The following TENM1 variants were observed in gnomAD, a reference collection of about 807,000 sequenced individuals.
The protein encoded by TENM1 is teneurin transmembrane protein 1, also known as teneurin-1.
Under a neutral mutation model 174.8 loss-of-function variants are expected in TENM1, and 35 were observed. That is an observed-to-expected ratio of 0.20 (90% CI 0.15 to 0.27). The LOEUF is 0.27. Among genes scored for constraint, TENM1 ranks in the 10% least tolerant of loss-of-function variants. The probability of loss-of-function intolerance (pLI) is 1.00; values close to 1 mark genes in which losing one functional copy is unlikely to be tolerated. For missense variants in TENM1, 1,633 were observed against 2,130.1 expected (o/e 0.77, Z 4.59); for synonymous variants, 781 against 798.7 (o/e 0.98, Z 0.37).
chrX:125,011,732 G>A, the TENM1 span, among the ~76,000 whole-genome samples: 1 of 111,789 alleles, frequency 8.9e-6, no homozygotes. Context: ...CTTTTACACT[G>A]TTGATTGGAA....
chrX:124,919,279 C>T (rs979361107), intron 1 of TENM1, among the ~76,000 whole-genome samples: 5 of 111,629 alleles, frequency 4.5e-5, no homozygotes, highest in East Asian at 2.8e-4. Flanking sequence ...TGTGATATTT[C>T]GATCAATTGA....
the TENM1 span, among the ~76,000 whole-genome samples, chrX:125,030,962 C>A: frequency 1.8e-5 from 2 of 110,653 alleles, no homozygotes; most frequent in African/African-American, 3.3e-5. Flanking sequence ...TAATTTTTTT[C>A]TTTTTCTACT....
At chrX:125,052,865 A>C in the TENM1 span, among the ~76,000 whole-genome samples, 1 of 111,780 alleles carries the variant, frequency 8.9e-6, no homozygotes, top group East Asian at 2.8e-4. Context: ...AAAATGGCAC[A>C]ATTTTAATTA....
At chrX:124,387,160 G>A (rs1005493696) in intron 28 of TENM1, among the ~76,000 whole-genome samples, 1 of 108,244 alleles carries the variant, frequency 9.2e-6, no homozygotes, top group Non-Finnish European at 1.9e-5. Context: ...TTCCATTTGT[G>A]TTTTAATATT....
chrX:124,566,424 T>A (rs2048943380), intron 11 of TENM1, among the ~76,000 whole-genome samples: 2 of 112,066 alleles, frequency 1.8e-5, no homozygotes, highest in African/African-American at 6.5e-5. Context: ...TGCTGAATAT[T>A]AATAAAGTCA....
intron 3 of TENM1, among the ~76,000 whole-genome samples, chrX:124,885,044 A>G (rs903417464): frequency 9.0e-6 from 1 of 111,727 alleles, no homozygotes; most frequent in Non-Finnish European, 1.9e-5. Flanking sequence ...ATGCATCTAA[A>G]TATATCTAAA....
At chrX:124,835,733 A>G (rs1349165833) in intron 3 of TENM1, among the ~76,000 whole-genome samples, 1 of 111,641 alleles carries the variant, frequency 9.0e-6, no homozygotes, top group Non-Finnish European at 1.9e-5. Context: ...TACCTTCATA[A>G]ATGATTCAAG....
rs181930153 is a variant in TENM1 at position 124,943,174 on chromosome X, T to C, written c.217+20363A>G. On this transcript the variant is annotated intron_variant, in intron 1 of 31. Coordinates refer to ENST00000422452, the Ensembl canonical transcript of TENM1. ...AGAAGACCTGAGGTCATTCAGTGAG[T>C]GAAAGAAGCAAAATTGAAAGCATGA... is the stretch of plus-strand genomic sequence containing the variant. Among the ~76,000 whole-genome samples the C allele has an allele frequency of 3.7e-3, 413 of 111,192 alleles. 3 individuals are homozygous for C. The highest frequency in any genetic ancestry group is 0.013 in the African/African-American group (397 of 30,683).
At chrX:124,806,047 T>TA (rs1382433298) in intron 3 of TENM1, among the ~76,000 whole-genome samples, 6 of 111,145 alleles carry the variant, frequency 5.4e-5, no homozygotes, top group Non-Finnish European at 9.4e-5. Context: ...TCAGCCACAT[T>TA]AAAAAAATAC....
intron 3 of TENM1, among the ~76,000 whole-genome samples, chrX:124,739,646 A>G (rs1380854618): frequency 8.9e-6 from 1 of 112,209 alleles, no homozygotes; most frequent in East Asian, 2.8e-4. Context: ...ACTCTCTTCT[A>G]TGACTTTAAC....
chrX:124,494,383 G>T (rs1399850855), intron 20 of TENM1, among the ~76,000 whole-genome samples: 1 of 111,662 alleles, frequency 9.0e-6, no homozygotes, highest in African/African-American at 3.3e-5. Flanking sequence ...CCAGAGGCAT[G>T]TGTCAGGAAT....
chrX:125,001,125 G>C, the TENM1 span, among the ~76,000 whole-genome samples: 1 of 109,504 alleles, frequency 9.1e-6, no homozygotes, highest in African/African-American at 3.3e-5. Context: ...CTATATAGTT[G>C]AAATAATCCA....
chrX:125,162,663 C>T, the TENM1 span, among the ~76,000 whole-genome samples: 1 of 111,783 alleles, frequency 8.9e-6, no homozygotes, highest in Admixed American at 9.5e-5. Context: ...TTGTTCAATC[C>T]ATTTTATATT....
intron 14 of TENM1, among the ~76,000 whole-genome samples, chrX:124,560,655 A>C (rs1250838336): frequency 8.9e-6 from 1 of 111,846 alleles, no homozygotes; most frequent in African/African-American, 3.2e-5. Flanking sequence ...AGAAACTCTT[A>C]TAATGCAGTT....
chrX:124,730,529 G>A (rs2053542204), intron 4 of TENM1, among the ~76,000 whole-genome samples: 1 of 111,264 alleles, frequency 9.0e-6, no homozygotes, highest in South Asian at 3.9e-4. Context: ...TAGTGGATTG[G>A]AGAGTCTATA....
At chrX:125,189,397 A>G in the TENM1 span, among the ~76,000 whole-genome samples, 3 of 112,551 alleles carry the variant, frequency 2.7e-5, no homozygotes, top group African/African-American at 9.7e-5. Flanking sequence ...AATGTTTGAC[A>G]GGACCATCAC....
At chrX:124,417,368 A>G (rs1197821190) in intron 25 of TENM1, among the ~76,000 whole-genome samples, 1 of 109,844 alleles carries the variant, frequency 9.1e-6, no homozygotes, top group African/African-American at 3.3e-5. Flanking sequence ...CCGCCACCAC[A>G]CCCAGCTAAT....
At chrX:125,178,840 C>T in the TENM1 span, among the ~76,000 whole-genome samples, 1 of 110,761 alleles carries the variant, frequency 9.0e-6, no homozygotes, top group Non-Finnish European at 1.9e-5. Flanking sequence ...GGCATGGTGG[C>T]TCATGTATAT....
In TENM1 at chrX:124,509,092, A is replaced by AC. The variant is rs2047520093; in HGVS notation, c.3302-5390_3302-5389insG. 1.7e-4 allele frequency among the ~76,000 whole-genome samples: 15 copies of AC among 90,372 alleles called. No homozygotes were observed. The South Asian group carries it at 7.2e-3, about 43-fold the overall frequency. The allele number at this position is 90,372 out of a possible 115,157, so 78.5% of individuals were successfully genotyped here. A position where few individuals can be genotyped will look rare whatever the true frequency, so the allele number is the denominator to read the frequency against. ...AACAAATAACACACACACACACACA[A>AC]ACACACACACACACACACAAACACA... On this transcript the variant is annotated intron_variant, in intron 18 of 31. Transcript: ENST00000422452.
Sources: gnomAD v4.1 joint callset for allele counts (sites outside exome capture counted in the v4.1 genomes callset) on GRCh38, gnomAD v4.1.1 for gene constraint, MANE v1.5 for transcripts, NCBI Gene and HGNC (gene_info 2026-07-23, HGNC 2026-07-21) for gene names.